AGAP1: variants seen among roughly 807,000 people sequenced by gnomAD.
The protein encoded by AGAP1 is arf-GAP with GTPase, ANK repeat and PH domain-containing protein 1.
In AGAP1, 29 loss-of-function variants were observed where a neutral mutation model predicts 105.3. The ratio of observed to expected loss-of-function variants is 0.28; its 90% CI spans 0.21 to 0.38. The LOEUF (loss-of-function observed/expected upper bound fraction) is 0.38. Ranked by LOEUF, AGAP1 falls within the 10% of genes least tolerant of loss-of-function variation. The probability of loss-of-function intolerance (pLI) is 1.00; values close to 1 mark genes in which losing one functional copy is unlikely to be tolerated. For synonymous variants in AGAP1, 509 were observed against 485.9 expected, an observed-to-expected ratio of 1.05 and a Z score of -0.63; for missense variants, 998 against 1,165.1, an observed-to-expected ratio of 0.86 and a Z score of 2.09.
intron 10 of AGAP1, among the ~76,000 whole-genome samples, chr2:235,902,523 A>C (rs953714416): frequency 6.6e-6 from 1 of 152,248 alleles, no homozygotes; most frequent in South Asian, 2.1e-4. Context: ...CTAAATAGTG[A>C]TAGTTTTCAT....
chr2:235,819,232 G>A (rs1958641983), intron 9 of AGAP1, among the ~76,000 whole-genome samples: 2 of 150,072 alleles, frequency 1.3e-5, no homozygotes, highest in Admixed American at 1.3e-4. Flanking sequence ...CCTCATAACA[G>A]CCTCCCAAGT....
intron 1 of AGAP1, among the ~76,000 whole-genome samples, chr2:235,546,335 A>C (rs903991721): frequency 2.6e-5 from 4 of 152,164 alleles, no homozygotes; most frequent in Admixed American, 2.0e-4. Flanking sequence ...TATCCCACAA[A>C]GAGAAATAGA....
At chr2:235,668,746 C>A (rs1319400434) in intron 1 of AGAP1, among the ~76,000 whole-genome samples, 1 of 152,210 alleles carries the variant, frequency 6.6e-6, no homozygotes, top group Non-Finnish European at 1.5e-5. Context: ...GTTCAGTTTT[C>A]ATTATTAATG....
chr2:236,059,324 TAAAG>T (rs1407152002), intron 16 of AGAP1, among the ~76,000 whole-genome samples: 1 of 152,096 alleles, frequency 6.6e-6, no homozygotes, highest in Non-Finnish European at 1.5e-5. Context: ...CGAAAGAAAT[TAAAG>T]AAGACCTAAG....
chr2:235,803,559 C>G (rs923451079), intron 8 of AGAP1, among the ~76,000 whole-genome samples: 5 of 152,146 alleles, frequency 3.3e-5, no homozygotes, highest in Non-Finnish European at 7.4e-5. Context: ...GGGGCACTAT[C>G]CACCTTATTT....
chr2:235,945,934 T>C (rs2053478821), intron 12 of AGAP1, among the ~76,000 whole-genome samples: 1 of 151,712 alleles, frequency 6.6e-6, no homozygotes, highest in Non-Finnish European at 1.5e-5. Flanking sequence ...CGCACACTTT[T>C]AAGTGACCAG....
At chr2:235,735,811 A>T in intron 3 of AGAP1, among the ~76,000 whole-genome samples, 1 of 152,098 alleles carries the variant, frequency 6.6e-6, no homozygotes, top group East Asian at 1.9e-4. Flanking sequence ...GGGAACCCTG[A>T]ACACTTGCCT....
At chr2:235,548,542 C>T (rs970132890) in intron 1 of AGAP1, among the ~76,000 whole-genome samples, 1 of 151,860 alleles carries the variant, frequency 6.6e-6, no homozygotes, top group Non-Finnish European at 1.5e-5. Flanking sequence ...AATCCTAGCT[C>T]CTCGGGAGGC....
intron 6 of AGAP1, among the ~76,000 whole-genome samples, chr2:235,766,907 A>ATTTTTTTTT (rs71036292): frequency 9.1e-6 from 1 of 109,950 alleles, no homozygotes; most frequent in Non-Finnish European, 1.8e-5. Context: ...ACACCGGCTA[A>ATTTTTTTTT]TTTTTTTTTT....
In AGAP1 at chr2:235,723,830, A is replaced by G. The variant is rs574985909; in HGVS notation, c.310+6186A>G. Among the ~76,000 whole-genome samples, 1 of 152,216 alleles carries G rather than the reference A, an allele frequency of 6.6e-6. No individual in the cohort carries two copies. Among genetic ancestry groups the G allele is most frequent in the East Asian group, 1.9e-4 (1 of 5,162 alleles). ...GATCGACAGAGACTTAAGAATGTTC[A>G]TAGACCAACTCCAAGCTGCAAAATG... On this transcript the variant is annotated intron_variant, in intron 3 of 17. Transcript: ENST00000304032. This position sits in a 1 kb window ranked among gnomAD's most constrained non-coding sequence, Gnocchi z 6.2.
chr2:235,804,356 G>A (rs189093834), intron 8 of AGAP1, among the ~76,000 whole-genome samples: 1 of 152,270 alleles, frequency 6.6e-6, no homozygotes, highest in African/African-American at 2.4e-5. Context: ...AGTGCACCCA[G>A]GAACCAAAGA....
At chr2:235,987,127 A>T (rs1372998932) in intron 13 of AGAP1, among the ~76,000 whole-genome samples, 1 of 150,342 alleles carries the variant, frequency 6.7e-6, no homozygotes, top group Non-Finnish European at 1.5e-5. Context: ...TTATTTATTT[A>T]TTTATTTATT....
At chr2:235,694,201 C>A (rs1434113579) in intron 1 of AGAP1, among the ~76,000 whole-genome samples, 1 of 148,110 alleles carries the variant, frequency 6.8e-6, no homozygotes. Context: ...AAAATTTGGC[C>A]AGGCATGGTG....
Position 235,787,949 on chromosome 2 carries a change from GA to G in AGAP1, c.674-9809del, listed in dbSNP as rs1234462702. On this transcript the variant is annotated intron_variant, in intron 6 of 17. Coordinates refer to ENST00000304032, the MANE Select transcript of AGAP1 (RefSeq NM_001037131.3). This position sits in a 1 kb window ranked among gnomAD's most constrained non-coding sequence, Gnocchi z 4.4. ...CGGGACCAAGAGCAAGCAAGGCCAA[GA>G]GCATTGTAAGACCAAGAGCATGACC... 1.3e-5 allele frequency among the ~76,000 whole-genome samples: 2 copies of G among 152,154 alleles called. No homozygotes were observed. The highest frequency in any genetic ancestry group is 2.9e-5 in the Non-Finnish European group (2 of 68,026).
intron 1 of AGAP1, among the ~76,000 whole-genome samples, chr2:235,533,003 AAATC>A (rs994607957): frequency 5.3e-5 from 8 of 152,182 alleles, no homozygotes; most frequent in Admixed American, 2.0e-4. Context: ...AGGGAAAAAA[AAATC>A]AATCAATCAA....
intron 1 of AGAP1, among the ~76,000 whole-genome samples, chr2:235,683,333 T>TA (rs1949192510): frequency 6.6e-6 from 1 of 152,016 alleles, no homozygotes; most frequent in Non-Finnish European, 1.5e-5. Flanking sequence ...ACAGAATTGG[T>TA]AAAAATACTG....
intron 9 of AGAP1, among the ~76,000 whole-genome samples, chr2:235,849,118 C>T (rs747571271): frequency 6.6e-5 from 10 of 152,174 alleles, no homozygotes; most frequent in Non-Finnish European, 1.5e-4. Flanking sequence ...TGTAATTTCA[C>T]GCCTTGCAAT....
At position 235,549,165 on chromosome 2, in the gene AGAP1, T is replaced by G. The variant is rs1463269216; in HGVS notation, c.163+54316T>G. On this transcript the variant is annotated intron_variant, in intron 1 of 17. Transcript: ENST00000304032. This position sits in a 1 kb window ranked among gnomAD's most constrained non-coding sequence, Gnocchi z 4.2. ...TCCTGGATTTTATACCTCCTAGTTCTTTGAGGACAGTTTGCCACGTTCAGC... is the reference window on the plus strand; with the variant it reads ...TCCTGGATTTTATACCTCCTAGTTCGTTGAGGACAGTTTGCCACGTTCAGC... Among the ~76,000 whole-genome samples, 2 of 152,198 alleles carry G rather than the reference T, an allele frequency of 1.3e-5. No individual in the cohort carries two copies. The highest frequency in any genetic ancestry group is 2.9e-5 in the Non-Finnish European group (2 of 68,026).
chr2:235,737,936 T>A lies in AGAP1; in HGVS notation c.311-3027T>A, dbSNP rs1952346606. Among the ~76,000 whole-genome samples the A allele has an allele frequency of 6.6e-6, 1 of 151,960 alleles. No individual in the cohort carries two copies. Among genetic ancestry groups the A allele is most frequent in the Non-Finnish European group, 1.5e-5 (1 of 67,990 alleles). On this transcript the variant is annotated intron_variant, in intron 3 of 17. Transcript: ENST00000304032. The surrounding 1 kb of genome is among the most constrained non-coding windows in gnomAD (Gnocchi z 4.5). ...TTAGGGTTCATCAAGCAGGGAGGGC[T>A]TCCACATACCCTTGTATCTGGGGCA...
Sources: allele counts gnomAD v4.1 joint callset (sites outside exome capture counted in the v4.1 genomes callset), GRCh38; gene constraint gnomAD v4.1.1; non-coding constraint Gnocchi (gnomAD v3.1); transcripts MANE v1.5; gene names NCBI Gene and HGNC (gene_info 2026-07-23, HGNC 2026-07-21).